The following GDF9 variants were observed in gnomAD, a reference collection of about 807,000 sequenced individuals.
The protein encoded by GDF9 is growth/differentiation factor 9.
GDF9 carries 30 observed loss-of-function variants against 33.8 expected under a neutral mutation model. That is an observed-to-expected ratio of 0.89 (90% confidence interval 0.66 to 1.20). The LOEUF (loss-of-function observed/expected upper bound fraction) is 1.20, where lower values mean the gene tolerates loss of function less well. Among genes scored for constraint, GDF9 ranks in the 50% most tolerant of loss-of-function variants. The probability of loss-of-function intolerance (pLI) is 0.00; values close to 1 mark genes in which losing one functional copy is unlikely to be tolerated. For missense variants in GDF9, 556 were observed against 543.7 expected (o/e 1.02, Z -0.22); for synonymous variants, 205 against 200.7 (o/e 1.02, Z -0.18).
At chr5:132,863,671 C>A (rs1251290249) in intron 1 of GDF9, among the ~76,000 whole-genome samples, 1 of 152,170 alleles carries the variant, frequency 6.6e-6, no homozygotes, top group Non-Finnish European at 1.5e-5. Context: ...CCACACCCAA[C>A]TGCTGAGTCA....
At chr5:132,863,232 A>T (rs1759383748) in intron 1 of GDF9, among the ~76,000 whole-genome samples, 1 of 152,220 alleles carries the variant, frequency 6.6e-6, no homozygotes, top group Non-Finnish European at 1.5e-5. Context: ...ACCATAATAG[A>T]AACACTTATC....
In GDF9 at chr5:132,862,441, A is replaced by G. The variant is rs751223860; in HGVS notation, c.513T>C (p.Ala171=). The G allele has an allele frequency of 6.2e-7, 1 of 1,614,200 alleles. No individual in the cohort carries two copies. The highest frequency in any genetic ancestry group is 8.5e-7 in the Non-Finnish European group (1 of 1,180,014). Residue 171 remains alanine, a synonymous_variant, in exon 2 of 2, where the codon GCT becomes GCC. Coordinates refer to ENST00000687138, the MANE Select transcript of GDF9 (RefSeq NM_005260.7). ...TCATTAGATTGCACACACATTTGACAGCAGAGGAAAAAGAAACTGAGTTGT... is the reference window on the plus strand; with the variant it reads ...TCATTAGATTGCACACACATTTGACGGCAGAGGAAAAAGAAACTGAGTTGT... ...NINNSVSFSS[A]VKCVCNLMIK... is the part of the protein sequence containing the mutation.
Position 132,861,978 on chromosome 5 carries a change from A to G in GDF9, c.976T>C (p.Ser326Pro). 6.2e-7 allele frequency: 1 copy of G among 1,614,122 alleles called. No homozygotes were observed. The highest frequency in any genetic ancestry group is 8.5e-7 in the Non-Finnish European group (1 of 1,179,960). ...GGGCCCAAGGGCTTCTTCAATTCAGAACTGACAGTTTCCTGACCTCTGCGG... is the reference window on the plus strand; with the variant it reads ...GGGCCCAAGGGCTTCTTCAATTCAGGACTGACAGTTTCCTGACCTCTGCGG... ...RHRRGQETVS[S>P]ELKKPLGPAS... The change falls in exon 2 of 2, where the codon TCT becomes CCT. Residue 326 changes from serine (S) to proline (P), a missense_variant. By Grantham distance (74) the Ser-to-Pro change is moderately conservative (BLOSUM62 -1). Coordinates refer to ENST00000687138, the MANE Select transcript of GDF9 (RefSeq NM_005260.7).
At position 132,864,359 on chromosome 5, in the gene GDF9, C is replaced by T; in HGVS notation, c.175G>A (p.Ala59Thr). 1.2e-6 allele frequency: 2 copies of T among 1,614,208 alleles called. No individual in the cohort carries two copies. Among genetic ancestry groups the T allele is most frequent in the Non-Finnish European group, 1.7e-6 (2 of 1,180,042 alleles). ...TTGAAAAGCGCGGGAAGGAGGCCAG[C>T]TCTGTCTCTCTCATCTATATGCTGC... ...LLQHIDERDR[A>T]GLLPALFKVL... is the part of the protein sequence containing the mutation. Residue 59 changes from alanine to threonine, a missense_variant, in exon 1 of 2, where the codon GCT becomes ACT. Ala to Thr is a moderately conservative substitution (Grantham distance 58). Transcript: ENST00000687138.
chr5:132,861,271 C>T lies in GDF9; in HGVS notation c.*318G>A. 3 of 324,476 alleles carry T rather than the reference C, an allele frequency of 9.2e-6. No homozygotes were observed. In the South Asian group the frequency reaches 9.8e-5, roughly 11 times the overall value. 20.1% of individuals were successfully genotyped at this position (324,476 alleles called of 1,614,324 possible). A position where few individuals can be genotyped will look rare whatever the true frequency, so the allele number is the denominator to read the frequency against. ...GCTGCAAGTCCATCCAGGATTGATG[C>T]TAATTAAGGTTTTTTCCCTATCAAG... On this transcript the variant is annotated 3_prime_UTR_variant, in exon 2 of 2. Coordinates refer to ENST00000687138, the MANE Select transcript of GDF9 (RefSeq NM_005260.7).
chr5:132,865,514 T>A lies in GDF9; in HGVS notation c.-981A>T, dbSNP rs1414074605. The A allele has an allele frequency of 6.6e-6, 1 of 152,190 alleles. No homozygotes were observed. Among genetic ancestry groups the A allele is most frequent in the South Asian group, 2.1e-4 (1 of 4,824 alleles). 9.4% of individuals were successfully genotyped at this position (152,190 alleles called of 1,614,324 possible). ...AAAAAAATGAGGCAAAGGAGCACCA[T>A]GAAAAGCTGAAATGAGGGGATATTC... On this transcript the variant is annotated 5_prime_UTR_variant, in exon 1 of 2. The change abolishes an upstream ATG in the 5' untranslated region. Transcript: ENST00000687138.
At chr5:132,863,628 C>T (rs1368247299) in intron 1 of GDF9, among the ~76,000 whole-genome samples, 1 of 151,938 alleles carries the variant, frequency 6.6e-6, no homozygotes. Flanking sequence ...TTAGTAGAGA[C>T]GGGGTTTCAC....
At chr5:132,866,473 C>G (rs1352978889), upstream of GDF9, 2 of 268,732 alleles carry the variant, frequency 7.4e-6, no homozygotes, top group Non-Finnish European at 1.5e-5. Flanking sequence ...AGGCTCCACC[C>G]CACCGGCCCG....
In GDF9 at chr5:132,864,566, C is replaced by G. The variant is rs1241635731; in HGVS notation, c.-33G>C. The stretch of plus-strand genomic sequence containing the variant: ...GAGAACTAGTGAGGAACATATTTCT[C>G]CATGCCAGTCCTCTTCCTAAAGGCC... On this transcript the variant is annotated 5_prime_UTR_variant, in exon 1 of 2. Transcript: ENST00000687138. 4 of 1,597,168 alleles carry G rather than the reference C, an allele frequency of 2.5e-6. No homozygotes were observed. The South Asian group carries it at 4.4e-5, about 18-fold the overall frequency.
chr5:132,863,724 A>C (rs1287279519), intron 1 of GDF9, among the ~76,000 whole-genome samples: 1 of 152,244 alleles, frequency 6.6e-6, no homozygotes, highest in African/African-American at 2.4e-5. Context: ...CCAACTGTTC[A>C]AAACGGGAAC....
intron 1 of GDF9, among the ~76,000 whole-genome samples, chr5:132,863,665 A>C (rs1042817583): frequency 3.9e-5 from 6 of 152,032 alleles, no homozygotes; most frequent in African/African-American, 1.4e-4. Flanking sequence ...AAAGCACCAC[A>C]CCCAACTGCT....
chr5:132,861,505 A>AT lies in GDF9; in HGVS notation c.*83dup. On this transcript the variant is annotated 3_prime_UTR_variant, in exon 2 of 2. Coordinates refer to ENST00000687138, the MANE Select transcript of GDF9 (RefSeq NM_005260.7). ...CATATGCTACATTTAGAGACTTAAT[A>AT]TATGAAGCTTTCTCTTGAAGGCACA... 8.8e-7 allele frequency: 1 copy of AT among 1,136,008 alleles called. No individual in the cohort carries two copies. Among genetic ancestry groups the AT allele is most frequent in the African/African-American group, 1.5e-5 (1 of 65,750 alleles). 70.4% of individuals were successfully genotyped at this position (1,136,008 alleles called of 1,614,324 possible). A position where few individuals can be genotyped will look rare whatever the true frequency, so the allele number is the denominator to read the frequency against.
chr5:132,866,647 A>G, upstream of GDF9: 1 of 594,030 alleles, frequency 1.7e-6, no homozygotes, highest in East Asian at 2.9e-5. Flanking sequence ...ATGACGAACG[A>G]GTCAACCGGA....
chr5:132,864,369 C>G lies in GDF9; in HGVS notation c.165G>C (p.Glu55Asp). 6.2e-7 allele frequency: 1 copy of G among 1,614,192 alleles called. No homozygotes were observed. Among genetic ancestry groups the G allele is most frequent in the African/African-American group, 1.3e-5 (1 of 75,034 alleles). The change falls in exon 1 of 2, where the codon GAG becomes GAC. Residue 55 changes from glutamate to aspartate, a missense_variant. Physicochemically the swap from Glu to Asp is conservative, Grantham distance 45. Transcript: ENST00000687138. ...CGGGAAGGAGGCCAGCTCTGTCTCTCTCATCTATATGCTGCAGCAAGGACC... is the reference window on the plus strand; with the variant it reads ...CGGGAAGGAGGCCAGCTCTGTCTCTGTCATCTATATGCTGCAGCAAGGACC... ...MPWSLLQHID[E>D]RDRAGLLPAL...
chr5:132,864,754 T>C lies in GDF9; in HGVS notation c.-221A>G. On this transcript the variant is annotated 5_prime_UTR_variant, in exon 1 of 2. Coordinates refer to ENST00000687138, the MANE Select transcript of GDF9 (RefSeq NM_005260.7). ...AGCCAATTTGTTAATTAGATACAGA[T>C]TTACTTGGTTATTTAGCTTTCCTCT... The C allele has an allele frequency of 1.8e-6, 1 of 563,896 alleles. No homozygotes were observed. Among genetic ancestry groups the C allele is most frequent in the East Asian group, 2.9e-5 (1 of 34,528 alleles). The allele number at this position is 563,896 out of a possible 1,614,324, so 34.9% of individuals were successfully genotyped here. A position where few individuals can be genotyped will look rare whatever the true frequency, so the allele number is the denominator to read the frequency against.
In GDF9 at chr5:132,861,484, T is replaced by C. The variant is rs1245724807; in HGVS notation, c.*105A>G. 8 of 950,246 alleles carry C rather than the reference T, an allele frequency of 8.4e-6. No individual in the cohort carries two copies. The highest frequency in any genetic ancestry group is 1.4e-5 in the Non-Finnish European group (8 of 578,460). 58.9% of individuals were successfully genotyped at this position (950,246 alleles called of 1,614,324 possible). ...CACAGGCTCCTCTTTATATAACATA[T>C]GCTACATTTAGAGACTTAATATATG... On this transcript the variant is annotated 3_prime_UTR_variant, in exon 2 of 2. Transcript: ENST00000687138.
At position 132,864,178 on chromosome 5, in the gene GDF9, G is replaced by A. The variant is rs145888317; in HGVS notation, c.356C>T (p.Pro119Leu). The change falls in exon 1 of 2, where the codon CCC becomes CTC. Residue 119 changes from proline (P) to leucine (L), a missense_variant. Pro to Leu is a moderately conservative substitution (Grantham distance 98, BLOSUM62 -3). Coordinates refer to ENST00000687138, the MANE Select transcript of GDF9 (RefSeq NM_005260.7). Reference sequence around the variant, plus strand: ...AGGAGCCTGCTTGTGCCGGGTACAGGGGGTGAAGAGCCGAACAGTGTTGTA... The same window carrying A: ...AGGAGCCTGCTTGTGCCGGGTACAGAGGGTGAAGAGCCGAACAGTGTTGTA... ...HLYNTVRLFT[P>L]CTRHKQAPGD... 5.9e-5 allele frequency: 96 copies of A among 1,614,092 alleles called. No homozygotes were observed. In the African/African-American group the frequency reaches 1.2e-3, roughly 20 times the overall value.
At chr5:132,863,755 A>G (rs1471625752) in intron 1 of GDF9, among the ~76,000 whole-genome samples, 1 of 152,234 alleles carries the variant, frequency 6.6e-6, no homozygotes, top group Non-Finnish European at 1.5e-5. Flanking sequence ...TCTCTCACAG[A>G]AAGTAACAAA....
intron 1 of GDF9, 97 bp from the exon 2 acceptor site, chr5:132,862,653 C>A: frequency 1.1e-6 from 1 of 905,174 alleles, no homozygotes; most frequent in Non-Finnish European, 1.7e-6. Context: ...TGCTTTCTCC[C>A]TTCTCTTTTC....
Sources: gnomAD v4.1 joint callset for allele counts (sites outside exome capture counted in the v4.1 genomes callset) on GRCh38, gnomAD v4.1.1 for gene constraint, MANE v1.5 for transcripts, NCBI Gene and HGNC (gene_info 2026-07-23, HGNC 2026-07-21) for gene names.